RBM20: variants seen among roughly 807,000 people sequenced by gnomAD.
The protein encoded by RBM20 is RNA binding motif protein 20.
A neutral mutation model predicts 110.1 loss-of-function variants in RBM20; 51 were observed. That is an observed-to-expected ratio of 0.46 (90% confidence interval 0.37 to 0.59). The LOEUF (loss-of-function observed/expected upper bound fraction) is 0.59, where lower values mean the gene tolerates loss of function less well. Among genes scored for constraint, RBM20 ranks in the 20% least tolerant of loss-of-function variants. The probability of loss-of-function intolerance (pLI) is 0.00; values close to 1 mark genes in which losing one functional copy is unlikely to be tolerated. For missense variants in RBM20, 1,512 were observed against 1,574.9 expected (o/e 0.96, Z 0.68); for synonymous variants, 589 against 618.2 (o/e 0.95, Z 0.70).
intron 1 of RBM20, among the ~76,000 whole-genome samples, chr10:110,762,469 T>C (rs1358614467): frequency 6.6e-6 from 1 of 152,226 alleles, no homozygotes; most frequent in Non-Finnish European, 1.5e-5. Flanking sequence ...GCTAGGACCA[T>C]ACAATTAGAA....
chr10:110,815,662 A>G (rs1450796211), intron 9 of RBM20, among the ~76,000 whole-genome samples: 1 of 151,962 alleles, frequency 6.6e-6, no homozygotes, highest in Non-Finnish European at 1.5e-5. Context: ...TTCTACTCAC[A>G]CTCCTGAGAC....
intron 1 of RBM20, among the ~76,000 whole-genome samples, chr10:110,699,979 G>A (rs956758219): frequency 2.6e-5 from 4 of 152,136 alleles, no homozygotes; most frequent in Non-Finnish European, 4.4e-5. Flanking sequence ...GGTGATTCAC[G>A]TCCCGGGTGG....
chr10:110,687,213 T>C (rs570474402), intron 1 of RBM20, among the ~76,000 whole-genome samples: 1 of 152,306 alleles, frequency 6.6e-6, no homozygotes, highest in African/African-American at 2.4e-5. Flanking sequence ...AGTAGTAAGA[T>C]ACTAAAAGTA....
intron 3 of RBM20, among the ~76,000 whole-genome samples, chr10:110,783,740 T>C (rs1844384063): frequency 6.6e-6 from 1 of 152,240 alleles, no homozygotes. Flanking sequence ...CAAGTTCACA[T>C]AGGGCTTACT....
chr10:110,777,476 T>A (rs1289472667), intron 1 of RBM20, among the ~76,000 whole-genome samples: 1 of 152,242 alleles, frequency 6.6e-6, no homozygotes, highest in Non-Finnish European at 1.5e-5. Flanking sequence ...AAGCAGGTGC[T>A]CAGCTCTGAT....
chr10:110,831,687 A>AAAC (rs1845057915), intron 13 of RBM20, among the ~76,000 whole-genome samples: 1 of 149,186 alleles, frequency 6.7e-6, no homozygotes, highest in Non-Finnish European at 1.5e-5. Context: ...AAAAAAAAAA[A>AAAC]AAAACACTGC....
At chr10:110,786,656 A>G (rs1338111631) in intron 5 of RBM20, among the ~76,000 whole-genome samples, 1 of 152,220 alleles carries the variant, frequency 6.6e-6, no homozygotes, top group Non-Finnish European at 1.5e-5. Flanking sequence ...GGAGACTGCA[A>G]TGGCTAGATT....
chr10:110,813,467 G>A (rs1424578265), intron 9 of RBM20, among the ~76,000 whole-genome samples: 2 of 152,188 alleles, frequency 1.3e-5, no homozygotes, highest in African/African-American at 4.8e-5. Flanking sequence ...AGTGGTGAAG[G>A]AGAAGCCGTC....
At chr10:110,737,740 C>A (rs1233286546) in intron 1 of RBM20, among the ~76,000 whole-genome samples, 1 of 151,828 alleles carries the variant, frequency 6.6e-6, no homozygotes, top group Non-Finnish European at 1.5e-5. Context: ...AATAATTATA[C>A]CTGGTTAGTG....
intron 1 of RBM20, among the ~76,000 whole-genome samples, chr10:110,711,139 G>A (rs1303863000): frequency 6.6e-6 from 1 of 151,012 alleles, no homozygotes; most frequent in Non-Finnish European, 1.5e-5. Context: ...AAACCAGCCT[G>A]GCTAACATGG....
chr10:110,761,180 C>G (rs1157142386), intron 1 of RBM20: 1 of 151,506 alleles, frequency 6.6e-6, no homozygotes, highest in Non-Finnish European at 1.5e-5. Flanking sequence ...CTGATCTCAT[C>G]TGATCTCAGA....
At chr10:110,742,060 C>A (rs913602015) in intron 1 of RBM20, among the ~76,000 whole-genome samples, 1 of 152,166 alleles carries the variant, frequency 6.6e-6, no homozygotes, top group Non-Finnish European at 1.5e-5. Flanking sequence ...AGTGCTCCAC[C>A]CTTTTTTGTA....
At chr10:110,737,180 A>AAAAAAAAAAAAAAAAAAAAAAAC (rs1564830162) in intron 1 of RBM20, among the ~76,000 whole-genome samples, 1 of 134,634 alleles carries the variant, frequency 7.4e-6, no homozygotes, top group African/African-American at 2.8e-5. Flanking sequence ...TCTGCCTCAA[A>AAAAAAAAAAAAAAAAAAAAAAAC]AAAAAAAAAA....
At chr10:110,807,601 C>T (rs1844711116) in intron 7 of RBM20, among the ~76,000 whole-genome samples, 1 of 152,216 alleles carries the variant, frequency 6.6e-6, no homozygotes, top group African/African-American at 2.4e-5. Flanking sequence ...CCCCCATGCA[C>T]CTGAGCCCTA....
chr10:110,819,976 C>CTTTA lies in RBM20; in HGVS notation c.2551-95_2551-94insTTAT, dbSNP rs1351944560. The CTTTA allele has an allele frequency of 1.3e-5, 9 of 718,128 alleles. No homozygotes were observed. The African/African-American group carries it at 1.4e-4, about 11-fold the overall frequency. The allele number at this position is 718,128 out of a possible 1,614,324, so 44.5% of individuals were successfully genotyped here. On this transcript the variant is annotated intron_variant, in intron 9 of 13. Transcript: ENST00000369519. ...AGGAAATGCTGTATGTGAAACCTAT[C>CTTTA]TGAGAGCTGGGACCTGCATTCAATA...
intron 2 of RBM20, among the ~76,000 whole-genome samples, chr10:110,782,207 A>T (rs1844362871): frequency 6.6e-6 from 1 of 152,188 alleles, no homozygotes; most frequent in Non-Finnish European, 1.5e-5. Context: ...CTTCTCGTGG[A>T]GGGCTTCTCC....
intron 5 of RBM20, among the ~76,000 whole-genome samples, chr10:110,788,723 G>A (rs1274526084): frequency 6.6e-6 from 1 of 152,186 alleles, no homozygotes; most frequent in East Asian, 1.9e-4. Flanking sequence ...AAAATACTTT[G>A]CAAGTCTCCT....
rs533126769 is a variant in RBM20 at position 110,771,137 on chromosome 10, G to A, written c.192-9664G>A. 2.6e-5 allele frequency among the ~76,000 whole-genome samples: 4 copies of A among 152,216 alleles called. No homozygotes were observed. In the Middle Eastern group the frequency reaches 0.01, roughly 388 times the overall value. ...ATATACATGGAGCAGGCATGTCCAT[G>A]GATAAATTTTTTTTTGGTTTTTTTT... is the stretch of plus-strand genomic sequence containing the variant. On this transcript the variant is annotated intron_variant, in intron 1 of 13. Transcript: ENST00000369519.
rs187423999 is a variant in RBM20 at position 110,781,458 on chromosome 10, C to T, written c.849C>T (p.Tyr283=). 116 of 1,551,470 alleles carry T rather than the reference C, an allele frequency of 7.5e-5. No individual in the cohort carries two copies. The East Asian group carries it at 1.2e-3, about 16-fold the overall frequency. Residue 283 remains tyrosine (Y), a synonymous_variant, in exon 2 of 14, where the codon TAC becomes TAT. Coordinates refer to ENST00000369519, the MANE Select transcript of RBM20 (RefSeq NM_001134363.3). ...AAGCTGCCTTTTCCAAAGATTTTTA[C>T]GGACCCAACTCCCAAGGTTCACATG... ...DGQAAFSKDF[Y]GPNSQGSHVA...
Sources: allele counts gnomAD v4.1 joint callset (sites outside exome capture counted in the v4.1 genomes callset), GRCh38; gene constraint gnomAD v4.1.1; transcripts MANE v1.5; gene names NCBI Gene and HGNC (gene_info 2026-07-23, HGNC 2026-07-21).